Variants in MYO1C observed in about 807,000 individuals in gnomAD.
The protein encoded by MYO1C is myosin IC.
A neutral mutation model predicts 150.8 loss-of-function variants in MYO1C; 104 were observed. That is an observed-to-expected ratio of 0.69 (90% CI 0.59 to 0.81). MYO1C has a LOEUF of 0.81. MYO1C is among the 30% of genes least tolerant of loss of function. The probability of loss-of-function intolerance (pLI) is 0.00; values close to 1 mark genes in which losing one functional copy is unlikely to be tolerated. For missense variants in MYO1C, 1,504 were observed against 1,435.0 expected (o/e 1.05, Z -0.78); for synonymous variants, 663 against 579.9 (o/e 1.14, Z -2.06).
intron 18 of MYO1C, 32 bp downstream of exon 18, chr17:1,472,091 C>G: frequency 6.2e-7 from 1 of 1,612,976 alleles, no homozygotes; most frequent in African/African-American, 1.3e-5. Flanking sequence ...AGGGGAGGCC[C>G]GGCCCCGAAG....
chr17:1,477,061 A>T (rs1335085837), intron 14 of MYO1C, among the ~76,000 whole-genome samples: 1 of 147,890 alleles, frequency 6.8e-6, no homozygotes, highest in African/African-American at 2.5e-5. Context: ...CTCGTTTTGA[A>T]CTCCTAACCT....
At chr17:1,487,231 AC>A (rs1374456139) in intron 1 of MYO1C, 2 of 152,388 alleles carry the variant, frequency 1.3e-5, no homozygotes, top group Non-Finnish European at 2.9e-5. Flanking sequence ...GCAGAGGCCT[AC>A]TGAGAGCCAG....
chr17:1,465,613 G>T lies in MYO1C; in HGVS notation c.*113C>A. The stretch of plus-strand genomic sequence containing the variant: ...GCAGGAGGTGGGAGATTGCAGGTGG[G>T]CTTCGGGGTGTCCCTGGGTCCCTGT... On this transcript the variant is annotated 3_prime_UTR_variant, in exon 32 of 32. Coordinates refer to ENST00000648651, the MANE Select transcript of MYO1C (RefSeq NM_001080779.2). The T allele has an allele frequency of 8.8e-7, 1 of 1,130,300 alleles. No individual in the cohort carries two copies. Among genetic ancestry groups the T allele is most frequent in the Non-Finnish European group, 1.2e-6 (1 of 850,782 alleles). 70.0% of individuals were successfully genotyped at this position (1,130,300 alleles called of 1,614,324 possible). A position where few individuals can be genotyped will look rare whatever the true frequency, so the allele number is the denominator to read the frequency against.
At chr17:1,469,145 T>TAGAGCAGACCGGGGTAAAC (rs2074242136) in intron 25 of MYO1C, 2 of 345,108 alleles carry the variant, frequency 5.8e-6, no homozygotes, top group South Asian at 2.3e-5. Flanking sequence ...CCGGGGTAAA[T>TAGAGCAGACCGGGGTAAAC]AGAGCAGACC....
intron 21 of MYO1C, 140 bp from the exon 22 acceptor site, chr17:1,470,829 T>C (rs535813403): frequency 9.9e-7 from 1 of 1,006,818 alleles, no homozygotes; most frequent in Admixed American, 2.0e-5. Context: ...TGAAGAAGAA[T>C]GAATGTGGGG....
Position 1,474,836 on chromosome 17 carries a change from G to A in MYO1C, c.1692C>T (p.Asp564=), listed in dbSNP as rs146695782. The change falls in exon 16 of 32, where the codon GAC becomes GAT. Residue 564 remains aspartate (D), a synonymous_variant. Transcript: ENST00000648651. The stretch of plus-strand genomic sequence containing the variant: ...CCTCCTTAAGGTTCCGGAAGAGAAG[G>A]TCATTGTTTTTGTCCAGAAACCCTG... ...SVTGFLDKNN[D]LLFRNLKETM... is the part of the protein sequence containing the mutation. 1 of 1,614,090 alleles carries A rather than the reference G, an allele frequency of 6.2e-7. No individual in the cohort carries two copies. Among genetic ancestry groups the A allele is most frequent in the Non-Finnish European group, 8.5e-7 (1 of 1,180,000 alleles).
At position 1,467,232 on chromosome 17, in the gene MYO1C, C is replaced by G. The variant is rs377397480; in HGVS notation, c.3165+10G>C. On this transcript the variant is annotated intron_variant, in intron 31 of 31. Transcript: ENST00000648651. Reference sequence around the variant, plus strand: ...GCCAGGCCATAAGCGGGAAAGCAGGCCCCACTCACCACAGCCAGGTGCCCG... The same window carrying G: ...GCCAGGCCATAAGCGGGAAAGCAGGGCCCACTCACCACAGCCAGGTGCCCG... 2 of 1,606,992 alleles carry G rather than the reference C, an allele frequency of 1.2e-6. No homozygotes were observed. Among genetic ancestry groups the G allele is most frequent in the South Asian group, 2.2e-5 (2 of 89,826 alleles).
Position 1,471,279 on chromosome 17 carries a change from C to T in MYO1C, c.2079G>A (p.Gly693=), listed in dbSNP as rs145850664. ...WPTWAGRPQD[G]VAVLVRHLGY... is the part of the protein sequence containing the mutation. ...CCAGGTGTCGGACCAGCACAGCCAC[C>T]CCATCCTGCGGCCGTCCTGCCCACG... Residue 693 remains glycine, a synonymous_variant, in exon 20 of 32, where the codon GGG becomes GGA. Transcript: ENST00000648651. 3.7e-6 allele frequency: 6 copies of T among 1,613,886 alleles called. No homozygotes were observed. In the African/African-American group the frequency reaches 6.7e-5, roughly 18 times the overall value.
Position 1,477,666 on chromosome 17 carries a change from C to T in MYO1C, c.1483-70G>A, listed in dbSNP as rs1249721555. On this transcript the variant is annotated intron_variant, in intron 13 of 31. Transcript: ENST00000648651. ...AGAGCGCACAGAGGATTGGGGTCAC[C>T]GTGCTGGGAGGCACAGACACAGGGG... 4.3e-5 allele frequency: 55 copies of T among 1,282,298 alleles called. 1 individual carries two copies. Among genetic ancestry groups the T allele is most frequent in the Middle Eastern group, 1.8e-4 (1 of 5,424 alleles). 79.4% of individuals were successfully genotyped at this position (1,282,298 alleles called of 1,614,324 possible).
chr17:1,477,633 G>A, intron 13 of MYO1C, 37 bp from the exon 14 acceptor site: 1 of 1,515,428 alleles, frequency 6.6e-7, no homozygotes, highest in Non-Finnish European at 9.2e-7. Context: ...ACGTATGGGG[G>A]ACAGGTCAGA....
chr17:1,490,961 C>G (rs1012105995), intron 1 of MYO1C: 1 of 152,400 alleles, frequency 6.6e-6, no homozygotes, highest in African/African-American at 2.4e-5. Flanking sequence ...TCACCTCCTC[C>G]AGAACCCCTT....
In MYO1C at chr17:1,475,039, G is replaced by A. The variant is rs2074377282; in HGVS notation, c.1575-7C>T. The stretch of plus-strand genomic sequence containing the variant: ...CTGGTCAGCCAGCTTGTGCCTGGGG[G>A]TGACAGGGAGGAAGCTGCAGATGGC... On this transcript the variant is annotated splice_region_variant and splice_polypyrimidine_tract_variant and intron_variant, in intron 14 of 31. Coordinates refer to ENST00000648651, the MANE Select transcript of MYO1C (RefSeq NM_001080779.2). 5 of 1,550,964 alleles carry A rather than the reference G, an allele frequency of 3.2e-6. No homozygotes were observed. The highest frequency in any genetic ancestry group is 4.4e-6 in the Non-Finnish European group (5 of 1,147,040).
Position 1,465,072 on chromosome 17 carries a change from A to C in MYO1C, c.*654T>G, listed in dbSNP as rs2150923730. The C allele has an allele frequency of 6.6e-6, 1 of 152,516 alleles. No individual in the cohort carries two copies. The highest frequency in any genetic ancestry group is 2.1e-4 in the South Asian group (1 of 4,824). 9.4% of individuals were successfully genotyped at this position (152,516 alleles called of 1,614,324 possible). On this transcript the variant is annotated 3_prime_UTR_variant, in exon 32 of 32. Coordinates refer to ENST00000648651, the MANE Select transcript of MYO1C (RefSeq NM_001080779.2). ...GGTTATCTGCCCGTCTCCGCCTCCCAAAGTGCTGGGGTTACAGGCGTGAGC... is the reference window on the plus strand; with the variant it reads ...GGTTATCTGCCCGTCTCCGCCTCCCCAAGTGCTGGGGTTACAGGCGTGAGC...
Position 1,479,193 on chromosome 17 carries a change from A to G in MYO1C, c.1092+238T>C, listed in dbSNP as rs2074462168. ...TATTCTTAGTAGATGGGGTTTCACC[A>G]TGTTGGCCAAGATGGTCTCGAACTC... is the stretch of plus-strand genomic sequence containing the variant. On this transcript the variant is annotated intron_variant, in intron 9 of 31. Coordinates refer to ENST00000648651, the MANE Select transcript of MYO1C (RefSeq NM_001080779.2). The surrounding 1 kb of genome is among the most constrained non-coding windows in gnomAD (Gnocchi z 4.2). Among the ~76,000 whole-genome samples the G allele has an allele frequency of 6.6e-6, 1 of 152,062 alleles. No homozygotes were observed. The highest frequency in any genetic ancestry group is 1.5e-5 in the Non-Finnish European group (1 of 68,012).
chr17:1,472,259 C>CGGAGCTGGGCT, intron 17 of MYO1C, 31 bp from the exon 18 acceptor site: 1 of 1,598,030 alleles, frequency 6.3e-7, no homozygotes, highest in Non-Finnish European at 8.6e-7. Context: ...GGAGGTTGGC[C>CGGAGCTGGGCT]GGAGCTGGGC....
At position 1,483,059 on chromosome 17, in the gene MYO1C, C is replaced by A; in HGVS notation, c.348G>T (p.Leu116=). 3 of 1,601,328 alleles carry A rather than the reference C, an allele frequency of 1.9e-6. No individual in the cohort carries two copies. The highest frequency in any genetic ancestry group is 1.1e-5 in the South Asian group (1 of 89,422). The stretch of plus-strand genomic sequence containing the variant: ...GGTACACAGTGTCCGCCACGGCAAA[C>A]CTGGGGCGGAGGCTCGTCAGGGAGT... ...GVSFYEVPPH[L]FAVADTVYRA... Residue 116 remains leucine, a splice_region_variant and synonymous_variant, in exon 4 of 32, where the codon CTG becomes CTT. Coordinates refer to ENST00000648651, the MANE Select transcript of MYO1C (RefSeq NM_001080779.2).
chr17:1,484,979 G>C (rs9635704), intron 1 of MYO1C: 5 of 579,548 alleles, frequency 8.6e-6, no homozygotes, highest in South Asian at 7.5e-5. Context: ...TCCCACCCCA[G>C]CTGGGCTCAG....
In MYO1C at chr17:1,492,462, G is replaced by A; in HGVS notation, c.26C>T (p.Pro9Leu). MALQVELV[P>L]TGEIIRVVHP... ...AACCACGCGGATGATCTCCCCGGTGGGTACCAGCTCCACTTGCAGCGCCAT... is the reference window on the plus strand; with the variant it reads ...AACCACGCGGATGATCTCCCCGGTGAGTACCAGCTCCACTTGCAGCGCCAT... Residue 9 changes from proline (P) to leucine (L), a missense_variant, in exon 1 of 32, where the codon CCC becomes CTC. Physicochemically the swap from Pro to Leu is moderately conservative, Grantham distance 98 (BLOSUM62 -3). Coordinates refer to ENST00000648651, the MANE Select transcript of MYO1C (RefSeq NM_001080779.2). 1.2e-6 allele frequency: 2 copies of A among 1,606,748 alleles called. No homozygotes were observed. Among genetic ancestry groups the A allele is most frequent in the Non-Finnish European group, 1.7e-6 (2 of 1,177,004 alleles).
At position 1,489,690 on chromosome 17, in the gene MYO1C, G is replaced by C. The variant is rs888604443; in HGVS notation, c.75+2723C>G. On this transcript the variant is annotated intron_variant, in intron 1 of 31. Transcript: ENST00000648651. ...GAAGACCCAGTGTCAAACAAACAAA[G>C]AAACAAAGCAATAAACCCATAACAT... Among the ~76,000 whole-genome samples, 10 of 151,390 alleles carry C rather than the reference G, an allele frequency of 6.6e-5. No individual in the cohort carries two copies. The South Asian group carries it at 8.4e-4, about 13-fold the overall frequency.
Sources: allele counts gnomAD v4.1 joint callset (sites outside exome capture counted in the v4.1 genomes callset), GRCh38; gene constraint gnomAD v4.1.1; non-coding constraint Gnocchi (gnomAD v3.1); transcripts MANE v1.5; gene names NCBI Gene and HGNC (gene_info 2026-07-23, HGNC 2026-07-21).